PPARA: variants seen among roughly 807,000 people sequenced by gnomAD.
The protein encoded by PPARA is peroxisome proliferator-activated receptor alpha.
PPARA carries 22 observed loss-of-function variants against 42.2 expected under a neutral mutation model. The observed-to-expected ratio is 0.52, with a 90% CI of 0.37 to 0.74. PPARA has a LOEUF of 0.74. PPARA is among the 30% of genes least tolerant of loss of function. PPARA has a pLI of 0.00. For missense variants in PPARA, 465 were observed against 608.2 expected (o/e 0.76, Z 2.48); for synonymous variants, 242 against 239.3 (o/e 1.01, Z -0.10).
rs1021755483 is a variant in PPARA at position 46,165,128 on chromosome 22, G to A, written c.-126-11625G>A. On this transcript the variant is annotated intron_variant, in intron 2 of 8. Coordinates refer to ENST00000407236, the MANE Select transcript of PPARA (RefSeq NM_005036.6). This position sits in a 1 kb window ranked among gnomAD's most constrained non-coding sequence, Gnocchi z 5.5. Reference sequence around the variant, plus strand: ...TCGGCTCACTGCAACCTCTGCCTCCGGGGTATAAGTGATTCTCCCATATCA... The same window carrying A: ...TCGGCTCACTGCAACCTCTGCCTCCAGGGTATAAGTGATTCTCCCATATCA... 17 of 152,228 alleles carry A rather than the reference G, an allele frequency of 1.1e-4. No homozygotes were observed. The highest frequency in any genetic ancestry group is 2.4e-4 in the African/African-American group (10 of 41,530). The allele number at this position is 152,228 out of a possible 1,614,324, so 9.4% of individuals were successfully genotyped here.
At position 46,225,247 on chromosome 22, in the gene PPARA, G is replaced by A. The variant is rs1484877259; in HGVS notation, c.711+5233G>A. 6.6e-6 allele frequency among the ~76,000 whole-genome samples: 1 copy of A among 152,152 alleles called. No individual in the cohort carries two copies. Among genetic ancestry groups the A allele is most frequent in the East Asian group, 1.9e-4 (1 of 5,188 alleles). On this transcript the variant is annotated intron_variant, in intron 7 of 8. Coordinates refer to ENST00000407236, the MANE Select transcript of PPARA (RefSeq NM_005036.6). The surrounding 1 kb of genome is among the most constrained non-coding windows in gnomAD (Gnocchi z 4.1). Reference sequence around the variant, plus strand: ...AACCGTGGGCCAGAAAATGGTCAGGGCCCTTGGTGATGGGGAAGGGCGCCT... The same window carrying A: ...AACCGTGGGCCAGAAAATGGTCAGGACCCTTGGTGATGGGGAAGGGCGCCT...
Position 46,211,480 on chromosome 22 carries a change from C to T in PPARA, c.209-3693C>T, listed in dbSNP as rs1217123815. 6.6e-6 allele frequency among the ~76,000 whole-genome samples: 1 copy of T among 152,196 alleles called. No homozygotes were observed. Among genetic ancestry groups the T allele is most frequent in the African/African-American group, 2.4e-5 (1 of 41,444 alleles). On this transcript the variant is annotated intron_variant, in intron 4 of 8. Coordinates refer to ENST00000407236, the MANE Select transcript of PPARA (RefSeq NM_005036.6). This position sits in a 1 kb window ranked among gnomAD's most constrained non-coding sequence, Gnocchi z 4.1. ...TCGGTGCAGCGCCTTTCCGCACCTG[C>T]ACCCACTTTTTCCCCTGAGATTGTT... is the stretch of plus-strand genomic sequence containing the variant.
chr22:46,169,236 C>A (rs1258604352), intron 2 of PPARA, among the ~76,000 whole-genome samples: 1 of 151,854 alleles, frequency 6.6e-6, no homozygotes, highest in South Asian at 2.1e-4. Flanking sequence ...AAATGTACCT[C>A]ACCAATGCAA....
rs1935825492 is a variant in PPARA, at chr22:46,230,982, A to T, written c.712-810A>T. On this transcript the variant is annotated intron_variant, in intron 7 of 8. Coordinates refer to ENST00000407236, the MANE Select transcript of PPARA (RefSeq NM_005036.6). The surrounding 1 kb of genome is among the most constrained non-coding windows in gnomAD (Gnocchi z 5.0). ...ATTAGTTCAGAGAATATTTAAGAAT[A>T]TTAAAGGTGCTTTGCTAATGTCCTC... Among the ~76,000 whole-genome samples, 1 of 152,212 alleles carries T rather than the reference A, an allele frequency of 6.6e-6. No individual in the cohort carries two copies. Among genetic ancestry groups the T allele is most frequent in the African/African-American group, 2.4e-5 (1 of 41,472 alleles).
intron 3 of PPARA, among the ~76,000 whole-genome samples, chr22:46,186,749 G>C (rs1217950289): frequency 6.6e-6 from 1 of 152,010 alleles, no homozygotes; most frequent in Non-Finnish European, 1.5e-5. Flanking sequence ...GAACAAAACT[G>C]AGGTTCAAAG....
rs1178873315 is a variant in PPARA, at chr22:46,191,181, G to T, written c.-42-7161G>T. ...TGCACTCCAGCCTGGGTGACAGAGT[G>T]AGACTGCATCTATAAAAACAACAAC... On this transcript the variant is annotated intron_variant, in intron 3 of 8. Coordinates refer to ENST00000407236, the MANE Select transcript of PPARA (RefSeq NM_005036.6). This position sits in a 1 kb window ranked among gnomAD's most constrained non-coding sequence, Gnocchi z 4.6. Among the ~76,000 whole-genome samples the T allele has an allele frequency of 6.6e-6, 1 of 152,122 alleles. No individual in the cohort carries two copies. The highest frequency in any genetic ancestry group is 1.5e-5 in the Non-Finnish European group (1 of 68,028).
intron 4 of PPARA, among the ~76,000 whole-genome samples, chr22:46,214,407 C>T (rs1026517755): frequency 6.6e-6 from 1 of 150,688 alleles, no homozygotes; most frequent in African/African-American, 2.4e-5. Context: ...GTGCCAGTCC[C>T]GAGATGTGCG....
At position 46,236,647 on chromosome 22, in the gene PPARA, T is replaced by C. The variant is rs41371949; in HGVS notation, c.*1267T>C. On this transcript the variant is annotated 3_prime_UTR_variant, in exon 9 of 9. Transcript: ENST00000407236. This position sits in a 1 kb window ranked among gnomAD's most constrained non-coding sequence, Gnocchi z 5.2. ...TTGCTTTTAAAGATATGATGTTTTA[T>C]TGTTTTAACTCTTGGTGACAGTAGA... 4.9e-4 allele frequency: 75 copies of C among 152,788 alleles called. No individual in the cohort carries two copies. The highest frequency in any genetic ancestry group is 1.7e-3 in the African/African-American group (71 of 41,584). 9.5% of individuals were successfully genotyped at this position (152,788 alleles called of 1,614,324 possible).
In PPARA at chr22:46,180,249, C is replaced by T. The variant is rs960725387; in HGVS notation, c.-43+3413C>T. On this transcript the variant is annotated intron_variant, in intron 3 of 8. Transcript: ENST00000407236. This position sits in a 1 kb window ranked among gnomAD's most constrained non-coding sequence, Gnocchi z 4.2. ...TCTCCCAGGCTGGAGTACAGTGGCG[C>T]GATCTCAGCTCACTGCAACCTCTGC... Among the ~76,000 whole-genome samples the T allele has an allele frequency of 2.0e-5, 3 of 150,064 alleles. No individual in the cohort carries two copies. The highest frequency in any genetic ancestry group is 1.3e-4 in the Admixed American group (2 of 15,002).
rs1391038622 is a variant in PPARA, at chr22:46,161,670, T to C, written c.-127+9700T>C. ...TCTGAGAGAGAAAAAGATGAGATTCTAGCCTAAGGTGTAACACATCCATCC... is the reference window on the plus strand; with the variant it reads ...TCTGAGAGAGAAAAAGATGAGATTCCAGCCTAAGGTGTAACACATCCATCC... On this transcript the variant is annotated intron_variant, in intron 2 of 8. Transcript: ENST00000407236. The surrounding 1 kb of genome is among the most constrained non-coding windows in gnomAD (Gnocchi z 4.8). 6.6e-6 allele frequency among the ~76,000 whole-genome samples: 1 copy of C among 152,238 alleles called. No individual in the cohort carries two copies. The highest frequency in any genetic ancestry group is 1.5e-5 in the Non-Finnish European group (1 of 68,044).
rs1213889978 is a variant in PPARA at position 46,160,628 on chromosome 22, ATC to A, written c.-127+8661_-127+8662del. ...GTTTGTTTATTTATTTCTTGACAGG[ATC>A]TCACTCTGTCACCAGGCTGGAGTGC... On this transcript the variant is annotated intron_variant, in intron 2 of 8. Transcript: ENST00000407236. This position sits in a 1 kb window ranked among gnomAD's most constrained non-coding sequence, Gnocchi z 4.5. 1.3e-5 allele frequency among the ~76,000 whole-genome samples: 2 copies of A among 149,596 alleles called. No individual in the cohort carries two copies. Among genetic ancestry groups the A allele is most frequent in the African/African-American group, 2.5e-5 (1 of 40,390 alleles).
intron 4 of PPARA, among the ~76,000 whole-genome samples, chr22:46,205,554 ATTTTTTTTT>A (rs1322589111): frequency 1.5e-4 from 2 of 12,926 alleles, no homozygotes; most frequent in African/African-American, 2.1e-4. Context: ...ATATATATAT[ATTTTTTTTT>A]TTTTTTTTTT....
At chr22:46,205,542 ATATATATATATATTTTTTTTT>A (rs1933181787) in intron 4 of PPARA, among the ~76,000 whole-genome samples, 1 of 29,596 alleles carries the variant, frequency 3.4e-5, no homozygotes, top group African/African-American at 1.7e-4. Context: ...ATATATATAT[ATATATATATATATTTTTTTTT>A]TTTTTTTTTT....
chr22:46,197,667 C>T (rs993618985), intron 3 of PPARA, among the ~76,000 whole-genome samples: 35 of 150,154 alleles, frequency 2.3e-4, no homozygotes, highest in Admixed American at 1.5e-3. Context: ...TTTAGAAGGC[C>T]GAGGCGGGCG....
At chr22:46,157,508 G>A (rs1265676095) in intron 2 of PPARA, among the ~76,000 whole-genome samples, 1 of 152,222 alleles carries the variant, frequency 6.6e-6, no homozygotes, top group East Asian at 1.9e-4. Context: ...TTACAGCGGT[G>A]TTAGGAAGGT....
At chr22:46,218,714 G>A (rs1433560221) in intron 6 of PPARA, among the ~76,000 whole-genome samples, 3 of 151,148 alleles carry the variant, frequency 2.0e-5, no homozygotes, top group Non-Finnish European at 4.4e-5. Context: ...CATGCCTGTA[G>A]TCCCAGCTAC....
intron 3 of PPARA, among the ~76,000 whole-genome samples, chr22:46,179,279 C>T (rs1203414381): frequency 1.3e-5 from 2 of 152,090 alleles, no homozygotes; most frequent in Non-Finnish European, 2.9e-5. Context: ...AGGATTCATC[C>T]CAGGAAATGC....
Position 46,240,416 on chromosome 22 carries a change from T to A in PPARA, c.*5036T>A, listed in dbSNP as rs1936341538. On this transcript the variant is annotated 3_prime_UTR_variant, in exon 9 of 9. Transcript: ENST00000407236. The surrounding 1 kb of genome is among the most constrained non-coding windows in gnomAD (Gnocchi z 6.0). The stretch of plus-strand genomic sequence containing the variant: ...TGCACCTGGTGAGTGCAAGGATAGG[T>A]GACCCAGGGGCCTGCAGCCTTGTCC... The A allele has an allele frequency of 2.5e-6, 1 of 396,062 alleles. No individual in the cohort carries two copies. Among genetic ancestry groups the A allele is most frequent in the Admixed American group, 4.4e-5 (1 of 22,702 alleles). 24.5% of individuals were successfully genotyped at this position (396,062 alleles called of 1,614,324 possible).
chr22:46,190,955 C>G lies in PPARA; in HGVS notation c.-42-7387C>G, dbSNP rs1931456171. Among the ~76,000 whole-genome samples, 1 of 152,124 alleles carries G rather than the reference C, an allele frequency of 6.6e-6. No homozygotes were observed. The highest frequency in any genetic ancestry group is 2.1e-4 in the South Asian group (1 of 4,830). ...CCTGTAATCCCAGCACTTTGGGAGG[C>G]CGAGGTGGGCGGATTACCTGAGGTC... is the stretch of plus-strand genomic sequence containing the variant. On this transcript the variant is annotated intron_variant, in intron 3 of 8. Coordinates refer to ENST00000407236, the MANE Select transcript of PPARA (RefSeq NM_005036.6). This position sits in a 1 kb window ranked among gnomAD's most constrained non-coding sequence, Gnocchi z 5.6.
Sources: allele counts gnomAD v4.1 joint callset (sites outside exome capture counted in the v4.1 genomes callset), GRCh38; gene constraint gnomAD v4.1.1; non-coding constraint Gnocchi (gnomAD v3.1); transcripts MANE v1.5; gene names NCBI Gene and HGNC (gene_info 2026-07-23, HGNC 2026-07-21).